The following FHL3 variants were observed in gnomAD, a reference collection of about 807,000 sequenced individuals.
The protein encoded by FHL3 is four and a half LIM domains 3, also known as four and a half LIM domains protein 3.
In FHL3, 21 loss-of-function variants were observed where a neutral mutation model predicts 34.3. That is an observed-to-expected ratio of 0.61 (90% CI 0.43 to 0.88). The LOEUF (loss-of-function observed/expected upper bound fraction) is 0.88. Ranked by LOEUF, FHL3 falls within the 40% of genes least tolerant of loss-of-function variation. The pLI is 0.00. For synonymous variants in FHL3, 137 were observed against 144.6 expected (o/e 0.95, Z 0.38); for missense variants, 333 against 373.7 (o/e 0.89, Z 0.90).
chr1:37,997,930 C>T lies in FHL3; in HGVS notation c.501+33G>A, dbSNP rs758720934. On this transcript the variant is annotated intron_variant, in intron 4 of 5. Transcript: ENST00000373016. The surrounding 1 kb of genome is among the most constrained non-coding windows in gnomAD (Gnocchi z 4.3). Reference sequence around the variant, plus strand: ...GGGATTCCCACCCCACAACAGGCCTCACTCACCCCCACCTGGCTGGCCCAG... The same window carrying T: ...GGGATTCCCACCCCACAACAGGCCTTACTCACCCCCACCTGGCTGGCCCAG... The T allele has an allele frequency of 5.0e-6, 8 of 1,612,772 alleles. No homozygotes were observed. The highest frequency in any genetic ancestry group is 5.9e-6 in the Non-Finnish European group (7 of 1,178,864).
chr1:37,997,605 G>A lies in FHL3; in HGVS notation c.689-46C>T, dbSNP rs1315905678. The A allele has an allele frequency of 9.3e-6, 15 of 1,612,466 alleles. No homozygotes were observed. The highest frequency in any genetic ancestry group is 6.7e-5 in the East Asian group (3 of 44,832). ...AGCTATGCAGATGTGGGGATGGTCC[G>A]GCCCTCAACCTCACCCAATACCACA... is the stretch of plus-strand genomic sequence containing the variant. On this transcript the variant is annotated intron_variant, in intron 5 of 5. Coordinates refer to ENST00000373016, the MANE Select transcript of FHL3 (RefSeq NM_004468.5). The surrounding 1 kb of genome is among the most constrained non-coding windows in gnomAD (Gnocchi z 4.3).
chr1:37,997,498 G>A lies in FHL3; in HGVS notation c.750C>T (p.Ser250=). ...CCAGGGAGGTAGAGCAGCGGGCGCA[G>A]GAGAAGCAGTTGTGGTGCCAGTGTC... is the stretch of plus-strand genomic sequence containing the variant. The part of the protein sequence containing the change: ...EDRHWHHNCF[S]CARCSTSLVG... Residue 250 remains serine (S), a synonymous_variant, in exon 6 of 6, where the codon TCC becomes TCT. Transcript: ENST00000373016. This position sits in a 1 kb window ranked among gnomAD's most constrained non-coding sequence, Gnocchi z 4.3. 1 of 1,614,038 alleles carries A rather than the reference G, an allele frequency of 6.2e-7. No individual in the cohort carries two copies. The highest frequency in any genetic ancestry group is 1.3e-5 in the African/African-American group (1 of 75,002).
At chr1:38,001,894 T>C (rs1646599210) in intron 1 of FHL3, among the ~76,000 whole-genome samples, 1 of 152,196 alleles carries the variant, frequency 6.6e-6, no homozygotes, top group Non-Finnish European at 1.5e-5. Flanking sequence ...TAAGCCTGTT[T>C]TCCCATCTAA....
At chr1:37,998,196 A>T in intron 3 of FHL3, 64 bp from the exon 4 acceptor site, 2 of 1,492,946 alleles carry the variant, frequency 1.3e-6, no homozygotes, top group South Asian at 2.3e-5. Context: ...ACCCTCTGTA[A>T]CTTCCCCAGG....
intron 3 of FHL3, 131 bp from the exon 4 acceptor site, chr1:37,998,263 A>C (rs1570481747): frequency 6.9e-6 from 5 of 726,954 alleles, no homozygotes; most frequent in Non-Finnish European, 1.2e-5. Flanking sequence ...TGCAGCAAGA[A>C]CCCCCCCGCC....
rs1018394228 is a variant in FHL3, at chr1:38,004,107, G to C, written c.-21+1250C>G. On this transcript the variant is annotated intron_variant, in intron 1 of 5. Transcript: ENST00000373016. ...CCCTCAACCCTCACCCTCTGCTACC[G>C]GGCACCAACCCCAAGCTCTGCTCTC... Among the ~76,000 whole-genome samples the C allele has an allele frequency of 7.9e-5, 12 of 152,032 alleles. 1 individual carries two copies. The highest frequency in any genetic ancestry group is 5.9e-4 in the Admixed American group (9 of 15,258).
In FHL3 at chr1:37,998,063, T is replaced by C. The variant is rs924191692; in HGVS notation, c.401A>G (p.Gln134Arg). 6.2e-7 allele frequency: 1 copy of C among 1,614,050 alleles called. No individual in the cohort carries two copies. ...EHCFLCSGCE[Q>R]PLGSRSFVPD... ...CACAAAAGAACGGGAGCCCAGTGGC[T>C]GTTCACAGCCACTGCACAGGAAGCA... Residue 134 changes from glutamine to arginine, a missense_variant, in exon 4 of 6, where the codon CAG becomes CGG. Gln to Arg is a conservative substitution (Grantham distance 43). Coordinates refer to ENST00000373016, the MANE Select transcript of FHL3 (RefSeq NM_004468.5).
At chr1:38,000,548 C>T (rs1646583416) in intron 1 of FHL3, among the ~76,000 whole-genome samples, 1 of 152,130 alleles carries the variant, frequency 6.6e-6, no homozygotes, top group South Asian at 2.1e-4. Flanking sequence ...AAGGGGGAGC[C>T]CTGAGAGCTG....
intron 1 of FHL3, among the ~76,000 whole-genome samples, chr1:38,003,018 C>A (rs1438777608): frequency 6.6e-6 from 1 of 151,888 alleles, no homozygotes; most frequent in African/African-American, 2.4e-5. Context: ...ATTAACTAGG[C>A]ATGGTGGCGG....
Position 37,997,794 on chromosome 1 carries a change from G to A in FHL3, c.578C>T (p.Thr193Met), listed in dbSNP as rs200107739. The change falls in exon 5 of 6, where the codon ACG becomes ATG. Residue 193 changes from threonine (T) to methionine (M), a missense_variant. Coordinates refer to ENST00000373016, the MANE Select transcript of FHL3 (RefSeq NM_004468.5). This position sits in a 1 kb window ranked among gnomAD's most constrained non-coding sequence, Gnocchi z 4.3. ...GGTGAACTGCTGCCCTGCCAGGGGC[G>A]TCTGGCATCCGGTACAGACCAGACA... The part of the protein sequence containing the change: ...RECLVCTGCQ[T>M]PLAGQQFTSR... The A allele has an allele frequency of 2.4e-5, 38 of 1,614,076 alleles. No individual in the cohort carries two copies. The highest frequency in any genetic ancestry group is 1.7e-4 in the Middle Eastern group (1 of 6,058).
At chr1:37,999,199 CT>C in intron 2 of FHL3, 51 bp from the exon 3 acceptor site, 1 of 1,613,820 alleles carries the variant, frequency 6.2e-7, no homozygotes, top group Non-Finnish European at 8.5e-7. Flanking sequence ...TGGACCCATC[CT>C]TTGCCCCCTT....
chr1:37,998,017 G>A lies in FHL3; in HGVS notation c.447C>T (p.Tyr149=). ...ACTTGTTCTCATAGCAGGGCACGCA[G>A]TAGTGAGCACCCTTGTCGGGCACAA... ...RSFVPDKGAH[Y]CVPCYENKFA... The change falls in exon 4 of 6, where the codon TAC becomes TAT. Residue 149 remains tyrosine, a synonymous_variant. Transcript: ENST00000373016. The A allele has an allele frequency of 6.2e-7, 1 of 1,614,196 alleles. No homozygotes were observed. Among genetic ancestry groups the A allele is most frequent in the African/African-American group, 1.3e-5 (1 of 75,064 alleles).
chr1:37,998,866 G>A, intron 3 of FHL3, 108 bp downstream of exon 3: 1 of 1,139,870 alleles, frequency 8.8e-7, no homozygotes, highest in Non-Finnish European at 1.3e-6. Context: ...GAAACATGCT[G>A]TGTATGCAGG....
rs764608616 is a variant in FHL3, at chr1:37,999,001, A to G, written c.304T>C (p.Ser102Pro). 6.2e-7 allele frequency: 1 copy of G among 1,614,196 alleles called. No homozygotes were observed. The highest frequency in any genetic ancestry group is 1.1e-5 in the South Asian group (1 of 91,090). ...GGCATGACAGTCTCCCCACAAGCGG[A>G]GCACTGCGAGGAAAACGCACTGCAG... ...CYCSAFSSQC[S>P]ACGETVMPGS... is the part of the protein sequence containing the mutation. Residue 102 changes from serine to proline, a missense_variant, in exon 3 of 6, where the codon TCC becomes CCC. Transcript: ENST00000373016.
intron 1 of FHL3, among the ~76,000 whole-genome samples, chr1:38,000,592 A>G (rs1030681768): frequency 9.9e-5 from 15 of 152,124 alleles, no homozygotes; most frequent in Non-Finnish European, 1.6e-4. Context: ...ACCAAACCTC[A>G]GACACTTTCC....
At chr1:38,000,690 G>C (rs1442840521) in intron 1 of FHL3, among the ~76,000 whole-genome samples, 5 of 152,156 alleles carry the variant, frequency 3.3e-5, no homozygotes, top group Non-Finnish European at 1.5e-5. Context: ...GAGCGGTAGG[G>C]AAGTGGGGTT....
At chr1:38,002,130 G>A (rs1014454184) in intron 1 of FHL3, among the ~76,000 whole-genome samples, 4 of 148,542 alleles carry the variant, frequency 2.7e-5, no homozygotes, top group Admixed American at 6.7e-5. Context: ...ACAGAGTCTC[G>A]CTCTGTCGCC....
intron 3 of FHL3, 43 bp downstream of exon 3, chr1:37,998,931 G>A (rs758295790): frequency 4.4e-6 from 7 of 1,593,810 alleles, no homozygotes; most frequent in East Asian, 2.2e-5. Flanking sequence ...AAGACCCTAC[G>A]CAGATGCCAG....
chr1:38,000,500 C>G (rs1482141059), intron 1 of FHL3, among the ~76,000 whole-genome samples: 25 of 152,164 alleles, frequency 1.6e-4, no homozygotes, highest in Admixed American at 1.6e-3. Context: ...AAGACATTTT[C>G]TCCCCAATCA....
Sources: allele counts gnomAD v4.1 joint callset (sites outside exome capture counted in the v4.1 genomes callset), GRCh38; gene constraint gnomAD v4.1.1; non-coding constraint Gnocchi (gnomAD v3.1); transcripts MANE v1.5; gene names NCBI Gene and HGNC (gene_info 2026-07-23, HGNC 2026-07-21).